The following KRAS variants were observed in gnomAD, a reference collection of about 807,000 sequenced individuals.
The protein encoded by KRAS is GTPase KRas.
KRAS carries 1 observed loss-of-function variant against 21.0 expected under a neutral mutation model. The observed-to-expected ratio is 0.05, with a 90% CI of 0.02 to 0.23. The LOEUF is 0.23. Ranked by LOEUF, KRAS falls within the 10% of genes least tolerant of loss-of-function variation. KRAS has a pLI of 1.00. For missense variants in KRAS, 107 were observed against 221.8 expected (o/e 0.48, Z 3.29); for synonymous variants, 67 against 72.5 (o/e 0.92, Z 0.39).
chr12:25,208,179 A>C lies in KRAS; in HGVS notation c.*1616T>G, dbSNP rs978556517. ...AATTACATAGTTGTAAAAAAAAAAA[A>C]CTAAGAGTTTGAGATGACTTCTTTT... On this transcript the variant is annotated 3_prime_UTR_variant, in exon 5 of 5. Coordinates refer to ENST00000311936, the MANE Select transcript of KRAS (RefSeq NM_004985.5). 3.4e-5 allele frequency: 8 copies of C among 232,780 alleles called. 2 individuals are homozygous for C. The highest frequency in any genetic ancestry group is 2.2e-5 in the African/African-American group (1 of 45,302). 14.4% of individuals were successfully genotyped at this position (232,780 alleles called of 1,614,324 possible). A position where few individuals can be genotyped will look rare whatever the true frequency, so the allele number is the denominator to read the frequency against.
rs2141510481 is a variant in KRAS, at chr12:25,227,392, T to C, written c.132A>G (p.Val44=). The C allele has an allele frequency of 1.2e-6, 2 of 1,614,096 alleles. No homozygotes were observed. The highest frequency in any genetic ancestry group is 1.7e-6 in the Non-Finnish European group (2 of 1,179,972). ...AGAGACAGGTTTCTCCATCAATTAC[T>C]ACTTGCTTCCTGTAGGAATCCTGAG... ...PTIEDSYRKQ[V]VIDGETCLLD... The change falls in exon 3 of 5, where the codon GTA becomes GTG. Residue 44 remains valine, a synonymous_variant. Coordinates refer to ENST00000311936, the MANE Select transcript of KRAS (RefSeq NM_004985.5).
intron 4 of KRAS, among the ~76,000 whole-genome samples, chr12:25,221,976 C>T (rs974095972): frequency 1.3e-5 from 2 of 151,836 alleles, no homozygotes; most frequent in African/African-American, 2.4e-5. Context: ...CAGTGAAACC[C>T]GTCTCTACTA....
Position 25,236,536 on chromosome 12 carries a change from C to T in KRAS, c.111+8738G>A, listed in dbSNP as rs117321274. On this transcript the variant is annotated intron_variant, in intron 2 of 4. Coordinates refer to ENST00000311936, the MANE Select transcript of KRAS (RefSeq NM_004985.5). ...AGTGTTTTTTTGCCTTTCAGTCTTC[C>T]AACACCTAATTAGTTCTCTGTGCTG... Among the ~76,000 whole-genome samples the T allele has an allele frequency of 7.1e-4, 108 of 151,996 alleles. No homozygotes were observed. The East Asian group carries it at 0.02, about 28-fold the overall frequency.
chr12:25,231,582 G>C (rs1386752690), intron 2 of KRAS, among the ~76,000 whole-genome samples: 1 of 152,044 alleles, frequency 6.6e-6, no homozygotes, highest in East Asian at 1.9e-4. Context: ...AACTGGGAAA[G>C]CAGTCCCCTA....
intron 4 of KRAS, among the ~76,000 whole-genome samples, chr12:25,222,687 A>G (rs978695131): frequency 2.0e-5 from 3 of 152,206 alleles, no homozygotes; most frequent in African/African-American, 7.2e-5. Context: ...AAAACAAATC[A>G]AACAAAAAAA....
At chr12:25,215,395 A>G (rs761405098) in intron 4 of KRAS, 1 of 1,611,426 alleles carries the variant, frequency 6.2e-7, no homozygotes, top group South Asian at 1.1e-5. Context: ...TTTAAAAGAC[A>G]TCTGCTTTCT....
At chr12:25,239,522 A>G (rs537288677) in intron 2 of KRAS, among the ~76,000 whole-genome samples, 5 of 152,342 alleles carry the variant, frequency 3.3e-5, no homozygotes, top group African/African-American at 7.2e-5. Flanking sequence ...TGCAAGATCC[A>G]TAATTTAAGA....
Position 25,242,810 on chromosome 12 carries a change from T to C in KRAS, c.111+2464A>G, listed in dbSNP as rs1951626913. Among the ~76,000 whole-genome samples, 3 of 152,308 alleles carry C rather than the reference T, an allele frequency of 2.0e-5. No individual in the cohort carries two copies. The South Asian group carries it at 6.2e-4, about 32-fold the overall frequency. On this transcript the variant is annotated intron_variant, in intron 2 of 4. Coordinates refer to ENST00000311936, the MANE Select transcript of KRAS (RefSeq NM_004985.5). Reference sequence around the variant, plus strand: ...TACAAGAGTACAGTGCAAATTCTACTTAACTTGGTCTCAGAGAATTTAAAT... The same window carrying C: ...TACAAGAGTACAGTGCAAATTCTACCTAACTTGGTCTCAGAGAATTTAAAT...
chr12:25,208,017 T>C lies in KRAS; in HGVS notation c.*1778A>G. On this transcript the variant is annotated 3_prime_UTR_variant, in exon 5 of 5. Coordinates refer to ENST00000311936, the MANE Select transcript of KRAS (RefSeq NM_004985.5). ...TGGAAGAAGAGTCCTAAAACGAGAA[T>C]GGATATTCAAATATAAACTTCACCT... is the stretch of plus-strand genomic sequence containing the variant. 4.3e-6 allele frequency: 1 copy of C among 233,272 alleles called. No individual in the cohort carries two copies. The highest frequency in any genetic ancestry group is 8.5e-6 in the Non-Finnish European group (1 of 118,020). 14.5% of individuals were successfully genotyped at this position (233,272 alleles called of 1,614,324 possible).
chr12:25,225,918 C>A, intron 3 of KRAS, 145 bp from the exon 4 acceptor site: 1 of 696,638 alleles, frequency 1.4e-6, no homozygotes, highest in South Asian at 1.8e-5. Context: ...CTTCCTTCTT[C>A]TACTAGTTAT....
At chr12:25,228,591 G>A (rs1951423918) in intron 2 of KRAS, among the ~76,000 whole-genome samples, 1 of 152,102 alleles carries the variant, frequency 6.6e-6, no homozygotes. Flanking sequence ...GTAGACTACA[G>A]ATTACCAGGG....
intron 2 of KRAS, among the ~76,000 whole-genome samples, chr12:25,235,829 C>A (rs1343424552): frequency 6.6e-6 from 1 of 152,144 alleles, no homozygotes; most frequent in Admixed American, 6.5e-5. Flanking sequence ...ACAATTTTTC[C>A]AAGGACCGAG....
At chr12:25,231,145 A>T (rs1951464026) in intron 2 of KRAS, among the ~76,000 whole-genome samples, 1 of 115,894 alleles carries the variant, frequency 8.6e-6, no homozygotes, top group South Asian at 2.9e-4. Flanking sequence ...TCTGTTGCCT[A>T]GGCTGGAGGG....
intron 2 of KRAS, among the ~76,000 whole-genome samples, chr12:25,244,777 A>C (rs999662637): frequency 2.6e-5 from 4 of 152,176 alleles, no homozygotes; most frequent in African/African-American, 7.2e-5. Flanking sequence ...ACCACACCTT[A>C]GGCAAATAAT....
intron 2 of KRAS, among the ~76,000 whole-genome samples, chr12:25,233,094 T>C (rs1259267104): frequency 1.3e-5 from 2 of 152,134 alleles, no homozygotes; most frequent in Non-Finnish European, 1.5e-5. Flanking sequence ...ATCTTCAAAA[T>C]ATATCCTACA....
chr12:25,206,644 G>A lies in KRAS; in HGVS notation c.*3151C>T, dbSNP rs1230781092. ...GCCATTTCTTTCTCTGTGTAGAAAC[G>A]AGGTACTGTGTAAGTCTTAACACCC... On this transcript the variant is annotated 3_prime_UTR_variant, in exon 5 of 5. Coordinates refer to ENST00000311936, the MANE Select transcript of KRAS (RefSeq NM_004985.5). 1.0e-5 allele frequency: 2 copies of A among 200,552 alleles called. No individual in the cohort carries two copies. Among genetic ancestry groups the A allele is most frequent in the Admixed American group, 6.0e-5 (1 of 16,578 alleles). The allele number at this position is 200,552 out of a possible 1,614,324, so 12.4% of individuals were successfully genotyped here.
intron 1 of KRAS, 24 bp from the exon 2 acceptor site, chr12:25,245,419 G>A (rs1951665274): frequency 1.3e-6 from 2 of 1,574,260 alleles, no homozygotes; most frequent in Non-Finnish European, 8.6e-7. Flanking sequence ...TAATGAAAAT[G>A]TGACTATATT....
intron 4 of KRAS, among the ~76,000 whole-genome samples, chr12:25,212,941 TAGGCTACAGTGCC>T (rs1353863436): frequency 4.6e-5 from 7 of 152,096 alleles, no homozygotes; most frequent in Admixed American, 3.9e-4. Flanking sequence ...TTCTGTTGCC[TAGGCTACAGTGCC>T]ATGGCACCAT....
intron 1 of KRAS, among the ~76,000 whole-genome samples, chr12:25,247,462 C>T (rs1951698820): frequency 6.6e-6 from 1 of 152,190 alleles, no homozygotes; most frequent in South Asian, 2.1e-4. Context: ...ACAACCACTA[C>T]AAACATGTAT....
Sources: allele counts gnomAD v4.1 joint callset (sites outside exome capture counted in the v4.1 genomes callset), GRCh38; gene constraint gnomAD v4.1.1; transcripts MANE v1.5; gene names NCBI Gene and HGNC (gene_info 2026-07-23, HGNC 2026-07-21).